PBDC1: variants seen among roughly 807,000 people sequenced by gnomAD.
The protein encoded by PBDC1 is polysaccharide biosynthesis domain containing 1.
PBDC1 carries 3 observed loss-of-function variants against 12.0 expected under a neutral mutation model. That is an observed-to-expected ratio of 0.25 (90% CI 0.11 to 0.64). The LOEUF (loss-of-function observed/expected upper bound fraction) is 0.64. PBDC1 is among the 30% of genes least tolerant of loss of function. PBDC1 has a pLI of 0.84. For missense variants in PBDC1, 162 were observed against 168.1 expected (o/e 0.96, Z 0.20); for synonymous variants, 64 against 56.4 (o/e 1.13, Z -0.60).
Position 76,177,648 on chromosome X carries a change from G to A in PBDC1, c.442G>A (p.Ala148Thr). The change falls in exon 6 of 6, where the codon GCT becomes ACT. Residue 148 changes from alanine to threonine, a missense_variant. By Grantham distance (58) the Ala-to-Thr change is moderately conservative. Around this residue, in one of 3 missense-constraint regions of PBDC1, gnomAD observed 100 missense variants for 96.2 expected, o/e 1.04. Transcript: ENST00000373358. ...PRIQFFAIEI[A>T]RNREGYNKAV... ...GATACAATTCTTTGCCATTGAAATTGCTCGGAACCGGGAAGGCTATAACAA... is the reference window on the plus strand; with the variant it reads ...GATACAATTCTTTGCCATTGAAATTACTCGGAACCGGGAAGGCTATAACAA... The A allele has an allele frequency of 1.7e-6, 2 of 1,184,503 alleles. No homozygotes were observed. Among genetic ancestry groups the A allele is most frequent in the Non-Finnish European group, 2.3e-6 (2 of 887,286 alleles).
intron 4 of PBDC1, among the ~76,000 whole-genome samples, chrX:76,176,486 G>A (rs189484619): frequency 1.2e-3 from 135 of 111,995 alleles, no homozygotes; most frequent in African/African-American, 4.3e-3. Flanking sequence ...CTAGCAGGCA[G>A]TTAGTGATCT....
chrX:76,177,217 G>A (rs1470454915), intron 5 of PBDC1, among the ~76,000 whole-genome samples: 1 of 110,950 alleles, frequency 9.0e-6, no homozygotes, highest in Non-Finnish European at 1.9e-5. Flanking sequence ...GGAATGGTTT[G>A]CATGTTATTT....
chrX:76,174,509 A>G (rs188829766), intron 2 of PBDC1, among the ~76,000 whole-genome samples: 33 of 111,870 alleles, frequency 2.9e-4, no homozygotes, highest in Non-Finnish European at 1.3e-4. Context: ...GTGAAAAGTA[A>G]TTTTCATTTT....
chrX:76,173,714 C>A, intron 2 of PBDC1, 64 bp downstream of exon 2: 1 of 766,950 alleles, frequency 1.3e-6, no homozygotes, highest in Non-Finnish European at 1.8e-6. Flanking sequence ...CAGGACCTGC[C>A]TGCCACTAAG....
At chrX:76,173,502 C>A in intron 1 of PBDC1, 83 bp from the exon 2 acceptor site, 1 of 703,067 alleles carries the variant, frequency 1.4e-6, no homozygotes, top group Non-Finnish European at 2.1e-6. Context: ...GGATTACAGG[C>A]ACGAGTCACT....
At position 76,173,077 on chromosome X, in the gene PBDC1, C is replaced by G; in HGVS notation, c.-62C>G. On this transcript the variant is annotated 5_prime_UTR_variant, in exon 1 of 6. Coordinates refer to ENST00000373358, the MANE Select transcript of PBDC1 (RefSeq NM_016500.5). ...CGGTGGAGCCGCCAGTTGAGAAGGA[C>G]TCTGATCCGGCTCAGCTTTCCAATC... is the stretch of plus-strand genomic sequence containing the variant. The G allele has an allele frequency of 8.8e-7, 1 of 1,134,187 alleles. No homozygotes were observed. Among genetic ancestry groups the G allele is most frequent in the East Asian group, 3.3e-5 (1 of 30,693 alleles). 93.5% of individuals were successfully genotyped at this position (1,134,187 alleles called of 1,213,427 possible). A position where few individuals can be genotyped will look rare whatever the true frequency, so the allele number is the denominator to read the frequency against.
chrX:76,175,665 A>T (rs1362499739), intron 4 of PBDC1, 52 bp downstream of exon 4: 4 of 975,610 alleles, frequency 4.1e-6, no homozygotes, highest in Non-Finnish European at 5.5e-6. Context: ...ACAATTTTTG[A>T]TTGCGAATGT....
intron 5 of PBDC1, 108 bp from the exon 6 acceptor site, chrX:76,177,508 G>T (rs1361587909): frequency 5.9e-6 from 4 of 680,853 alleles, no homozygotes; most frequent in Non-Finnish European, 8.8e-6. Flanking sequence ...CTGTGATTGT[G>T]CCACTGCAGT....
intron 1 of PBDC1, 150 bp downstream of exon 1, chrX:76,173,318 T>C: frequency 1.9e-6 from 1 of 534,661 alleles, no homozygotes; most frequent in East Asian, 3.8e-5. Flanking sequence ...CCTCCAGCGC[T>C]CAGATCTTCC....
At chrX:76,176,361 A>G (rs1556796945) in intron 4 of PBDC1, among the ~76,000 whole-genome samples, 1 of 110,261 alleles carries the variant, frequency 9.1e-6, no homozygotes, top group Non-Finnish European at 1.9e-5. Flanking sequence ...CACCATGTTG[A>G]CCAGGCTGGT....
chrX:76,175,979 G>A (rs1323372179), intron 4 of PBDC1, among the ~76,000 whole-genome samples: 2 of 111,318 alleles, frequency 1.8e-5, no homozygotes, highest in African/African-American at 6.5e-5. Flanking sequence ...GTGATTACAG[G>A]CCATGGGTAA....
At position 76,176,928 on chromosome X, in the gene PBDC1, C is replaced by T; in HGVS notation, c.345C>T (p.Phe115=). ...AGTTTAATGGGATTGTTGAAGACTT[C>T]AACTATGGTACTTTGCTGCGACTAG... ...CLKFNGIVED[F]NYGTLLRLDC... is the part of the protein sequence containing the mutation. The change falls in exon 5 of 6, where the codon TTC becomes TTT. Residue 115 remains phenylalanine, a synonymous_variant. Coordinates refer to ENST00000373358, the MANE Select transcript of PBDC1 (RefSeq NM_016500.5). The T allele has an allele frequency of 8.3e-7, 1 of 1,208,472 alleles. No homozygotes were observed. Among genetic ancestry groups the T allele is most frequent in the Non-Finnish European group, 1.1e-6 (1 of 893,322 alleles).
At chrX:76,177,066 T>A in intron 5 of PBDC1, 74 bp downstream of exon 5, 5 of 639,023 alleles carry the variant, frequency 7.8e-6, no homozygotes, top group Non-Finnish European at 1.3e-5. Context: ...GAATCAGTGA[T>A]GTGTATAGTT....
At chrX:76,175,209 G>T (rs1238364712) in intron 3 of PBDC1, among the ~76,000 whole-genome samples, 4 of 112,584 alleles carry the variant, frequency 3.6e-5, no homozygotes, top group African/African-American at 1.3e-4. Flanking sequence ...ATAAATGTTT[G>T]TTGAATGAAT....
intron 2 of PBDC1, among the ~76,000 whole-genome samples, 165 bp downstream of exon 2, chrX:76,173,815 A>G (rs1245147316): frequency 1.8e-5 from 2 of 112,103 alleles, no homozygotes; most frequent in Non-Finnish European, 3.8e-5. Flanking sequence ...ATCTTGGTCC[A>G]CAAACGCAGG....
chrX:76,175,733 C>T (rs1181762656), intron 4 of PBDC1, 120 bp downstream of exon 4: 3 of 512,188 alleles, frequency 5.9e-6, no homozygotes, highest in South Asian at 7.6e-5. Context: ...ACCAGAACTT[C>T]TTTTCTAGTT....
chrX:76,173,673 T>A (rs782418057), intron 2 of PBDC1, 23 bp downstream of exon 2: 12 of 1,084,685 alleles, frequency 1.1e-5, no homozygotes, highest in Non-Finnish European at 1.4e-5. Context: ...CACCCACAGC[T>A]CCCACCCACT....
chrX:76,174,890 C>T lies in PBDC1; in HGVS notation c.97C>T (p.Pro33Ser), dbSNP rs1924750482. 8.3e-7 allele frequency: 1 copy of T among 1,206,348 alleles called. No homozygotes were observed. Among genetic ancestry groups the T allele is most frequent in the Non-Finnish European group, 1.1e-6 (1 of 890,392 alleles). ...SLPAESYGND[P>S]DIEMAWAMRA... is the part of the protein sequence containing the mutation. ...CCTGGCATTCTTCACTCCTTTGCAG[C>T]CTGACATTGAGATGGCTTGGGCCAT... The change falls in exon 3 of 6, where the codon CCT becomes TCT. Residue 33 changes from proline to serine, a missense_variant and splice_region_variant. Physicochemically the swap from Pro to Ser is moderately conservative, Grantham distance 74. Coordinates refer to ENST00000373358, the MANE Select transcript of PBDC1 (RefSeq NM_016500.5).
intron 2 of PBDC1, 100 bp from the exon 3 acceptor site, chrX:76,174,790 C>A: frequency 1.6e-6 from 1 of 613,738 alleles, no homozygotes. Flanking sequence ...AGTTTGGTAG[C>A]CCTCTTGAGC....
Sources: allele counts gnomAD v4.1 joint callset (sites outside exome capture counted in the v4.1 genomes callset), GRCh38; gene constraint gnomAD v4.1.1; regional missense constraint gnomAD v4.1.1; transcripts MANE v1.5; gene names NCBI Gene and HGNC (gene_info 2026-07-23, HGNC 2026-07-21).